Variants in ZNF638 observed in about 807,000 individuals in gnomAD.
ZNF638 encodes CTCL tumor antigen se33-1.
ZNF638 carries 46 observed loss-of-function variants against 195.6 expected under a neutral mutation model. The ratio of observed to expected loss-of-function variants is 0.24; its 90% CI spans 0.19 to 0.30. The LOEUF (loss-of-function observed/expected upper bound fraction) is 0.30, where lower values mean the gene tolerates loss of function less well. Among genes scored for constraint, ZNF638 ranks in the 10% least tolerant of loss-of-function variants. The pLI, the probability that ZNF638 is intolerant of heterozygous loss-of-function variation, is 1.00. For missense variants in ZNF638, 2,440 were observed against 2,325.3 expected, an observed-to-expected ratio of 1.05 and a Z score of -1.01; for synonymous variants, 845 against 772.0, an observed-to-expected ratio of 1.09 and a Z score of -1.57.
At position 71,401,725 on chromosome 2, in the gene ZNF638, TAG is replaced by T. The variant is rs377586117; in HGVS notation, c.2698-229_2698-228del. Among the ~76,000 whole-genome samples, 135 of 152,012 alleles carry T rather than the reference TAG, an allele frequency of 8.9e-4. 3 individuals are homozygous for T. In the East Asian group the frequency reaches 0.024, roughly 27 times the overall value. ...GAAAAAGAGTCCAGCAGACCTCGAC[TAG>T]ATGACAGATGGTATAACTACAATTA... On this transcript the variant is annotated intron_variant, in intron 15 of 27. Coordinates refer to ENST00000264447, the MANE Select transcript of ZNF638 (RefSeq NM_014497.5).
intron 23 of ZNF638, 141 bp from the exon 24 acceptor site, chr2:71,426,319 C>G (rs2152605529): frequency 1.6e-6 from 1 of 613,634 alleles, no homozygotes; most frequent in East Asian, 2.9e-5. Flanking sequence ...AAAAAAACAA[C>G]TCTTAATTTT....
At chr2:71,403,328 A>G (rs1459266365) in intron 16 of ZNF638, among the ~76,000 whole-genome samples, 1 of 152,146 alleles carries the variant, frequency 6.6e-6, no homozygotes, top group East Asian at 1.9e-4. Flanking sequence ...TAACTATCAA[A>G]TATATGGAAG....
chr2:71,386,809 T>G (rs2079649917), intron 10 of ZNF638, among the ~76,000 whole-genome samples: 1 of 152,136 alleles, frequency 6.6e-6, no homozygotes, highest in African/African-American at 2.4e-5. Flanking sequence ...AATGAAAAAA[T>G]GGCATTCTTG....
intron 10 of ZNF638, among the ~76,000 whole-genome samples, chr2:71,385,987 A>G (rs189535969): frequency 1.3e-5 from 2 of 152,312 alleles, no homozygotes; most frequent in Admixed American, 6.5e-5. Context: ...ATGGTTCAAA[A>G]TGAGGAAATC....
chr2:71,343,489 A>G (rs562543296), intron 1 of ZNF638, among the ~76,000 whole-genome samples: 3 of 152,248 alleles, frequency 2.0e-5, no homozygotes, highest in Non-Finnish European at 1.5e-5. Flanking sequence ...CTGCCTGCCA[A>G]TAAGTAAAAC....
intron 3 of ZNF638, among the ~76,000 whole-genome samples, chr2:71,358,074 G>C (rs1025800719): frequency 6.6e-6 from 1 of 152,100 alleles, no homozygotes; most frequent in Non-Finnish European, 1.5e-5. Flanking sequence ...CTAGTTTCTA[G>C]TGACTGGGGA....
At chr2:71,429,216 G>C (rs2080604751) in intron 25 of ZNF638, among the ~76,000 whole-genome samples, 2 of 152,172 alleles carry the variant, frequency 1.3e-5, no homozygotes, top group African/African-American at 2.4e-5. Context: ...TTTAAATAGA[G>C]CACTGTAAGG....
At chr2:71,407,864 T>G (rs2080136456) in intron 19 of ZNF638, 1 of 286,270 alleles carries the variant, frequency 3.5e-6, no homozygotes, top group Non-Finnish European at 6.5e-6. Flanking sequence ...TCTTCATTTT[T>G]AAAGCTGAGT....
intron 10 of ZNF638, chr2:71,380,945 GTTAA>G (rs142403696): frequency 0.47 from 73,180 of 156,730 alleles, 18,922 homozygotes; most frequent in Admixed American, 0.6. Flanking sequence ...GATTTTGGAG[GTTAA>G]TTGAGAGCCA....
intron 1 of ZNF638, among the ~76,000 whole-genome samples, chr2:71,334,294 C>T (rs1421056255): frequency 6.6e-6 from 1 of 152,116 alleles, no homozygotes; most frequent in African/African-American, 2.4e-5. Flanking sequence ...TAATAAAATG[C>T]CTTATATACT....
chr2:71,431,451 T>A (rs371394368), intron 26 of ZNF638, 23 bp downstream of exon 26: 17 of 1,607,034 alleles, frequency 1.1e-5, no homozygotes, highest in Non-Finnish European at 1.4e-5. Context: ...TGACATTTTT[T>A]TCTTACCCAT....
At chr2:71,354,410 C>T (rs2078989929) in intron 2 of ZNF638, among the ~76,000 whole-genome samples, 1 of 148,502 alleles carries the variant, frequency 6.7e-6, no homozygotes, top group South Asian at 2.1e-4. Context: ...AATTTTAGGA[C>T]AGATTTATTT....
At chr2:71,358,632 A>C (rs2079061625) in intron 3 of ZNF638, among the ~76,000 whole-genome samples, 1 of 152,156 alleles carries the variant, frequency 6.6e-6, no homozygotes, top group Non-Finnish European at 1.5e-5. Flanking sequence ...TGTCTTTCCT[A>C]ATTCTCCAGG....
Position 71,423,845 on chromosome 2 carries a change from G to A in ZNF638, c.4331G>A (p.Ser1444Asn). 6.2e-7 allele frequency: 1 copy of A among 1,614,128 alleles called. No homozygotes were observed. The highest frequency in any genetic ancestry group is 1.3e-5 in the African/African-American group (1 of 75,054). ...AKEFGLLKPT[S>N]ARSGLAESSS... ...GAATTTGGTCTGCTTAAACCCACAA[G>A]TGCCAGGTCAGGCTTGGCAGAAAGC... The change falls in exon 22 of 28, where the codon AGT becomes AAT. Residue 1444 changes from serine (S) to asparagine (N), a missense_variant. Ser to Asn is a conservative substitution (Grantham distance 46, BLOSUM62 1). Transcript: ENST00000264447.
intron 8 of ZNF638, among the ~76,000 whole-genome samples, chr2:71,373,360 A>C (rs575621800): frequency 2.0e-5 from 3 of 151,704 alleles, no homozygotes; most frequent in African/African-American, 7.3e-5. Flanking sequence ...CATTCTAGAC[A>C]CTAATTTTGC....
chr2:71,417,995 A>G (rs938835051), intron 20 of ZNF638, among the ~76,000 whole-genome samples: 1 of 152,198 alleles, frequency 6.6e-6, no homozygotes, highest in African/African-American at 2.4e-5. Context: ...TGAATGGCAG[A>G]TATGTTTTGC....
At chr2:71,382,391 A>G (rs779856340) in intron 10 of ZNF638, among the ~76,000 whole-genome samples, 1 of 152,226 alleles carries the variant, frequency 6.6e-6, no homozygotes, top group Non-Finnish European at 1.5e-5. Context: ...GCCTATAAAC[A>G]GGACTGAGAA....
intron 20 of ZNF638, among the ~76,000 whole-genome samples, chr2:71,410,145 G>C (rs13397218): frequency 0.1 from 15,271 of 152,104 alleles, 853 homozygotes; most frequent in East Asian, 0.14. Context: ...AAAGGTTTTA[G>C]GATTTATATT....
intron 1 of ZNF638, among the ~76,000 whole-genome samples, chr2:71,334,094 A>G (rs1393239806): frequency 6.6e-6 from 1 of 152,206 alleles, no homozygotes; most frequent in Non-Finnish European, 1.5e-5. Flanking sequence ...ATCAATATAT[A>G]TTGTAACCAT....
Sources: allele counts gnomAD v4.1 joint callset (sites outside exome capture counted in the v4.1 genomes callset), GRCh38; gene constraint gnomAD v4.1.1; transcripts MANE v1.5; gene names NCBI Gene and HGNC (gene_info 2026-07-23, HGNC 2026-07-21).